Variants in TENM2 observed in about 807,000 individuals in gnomAD.
TENM2 encodes the protein teneurin-2.
A neutral mutation model predicts 245.2 loss-of-function variants in TENM2; 52 were observed. The observed-to-expected ratio is 0.21, with a 90% CI of 0.17 to 0.27. The LOEUF (loss-of-function observed/expected upper bound fraction) is 0.27, where lower values mean the gene tolerates loss of function less well. TENM2 is among the 10% of genes least tolerant of loss of function. TENM2 has a pLI of 1.00. For synonymous variants in TENM2, 1,363 were observed against 1,438.9 expected (o/e 0.95, Z 1.19); for missense variants, 3,046 against 3,666.8 (o/e 0.83, Z 4.37).
At chr5:167,074,168 A>G in the TENM2 span, among the ~76,000 whole-genome samples, 2 of 152,198 alleles carry the variant, frequency 1.3e-5, no homozygotes, top group Admixed American at 1.3e-4. Context: ...GCTACAGCAT[A>G]TTTTTAGTAA....
chr5:168,224,862 C>G (rs1764013481), intron 23 of TENM2, among the ~76,000 whole-genome samples: 1 of 152,198 alleles, frequency 6.6e-6, no homozygotes, highest in South Asian at 2.1e-4. Flanking sequence ...AACGAGCCTG[C>G]TTTCCTTTCC....
At chr5:168,051,685 A>G (rs1288542476) in intron 6 of TENM2, among the ~76,000 whole-genome samples, 1 of 152,190 alleles carries the variant, frequency 6.6e-6, no homozygotes, top group Non-Finnish European at 1.5e-5. Flanking sequence ...TCTGGTGGAT[A>G]CAAACACCAG....
intron 1 of TENM2, among the ~76,000 whole-genome samples, chr5:167,360,524 T>C (rs1214449557): frequency 6.6e-6 from 1 of 152,176 alleles, no homozygotes; most frequent in East Asian, 1.9e-4. Flanking sequence ...GTAGGCTGTC[T>C]TTCTGCTCAT....
chr5:167,962,574 A>T (rs562836457), intron 4 of TENM2, among the ~76,000 whole-genome samples: 1 of 152,328 alleles, frequency 6.6e-6, no homozygotes, highest in African/African-American at 2.4e-5. Flanking sequence ...ATAAAGACAT[A>T]CCCGAGACCC....
intron 4 of TENM2, among the ~76,000 whole-genome samples, chr5:167,990,342 T>C (rs184790051): frequency 1.3e-3 from 193 of 152,350 alleles, no homozygotes; most frequent in African/African-American, 4.4e-3. Flanking sequence ...GAAGAATTAA[T>C]AATAAAAGCT....
intron 2 of TENM2, among the ~76,000 whole-genome samples, chr5:167,376,614 TA>T (rs2127316827): frequency 6.6e-6 from 1 of 152,308 alleles, no homozygotes; most frequent in African/African-American, 2.4e-5. Flanking sequence ...AATTTATGTT[TA>T]ATTTTGAAAT....
chr5:167,599,323 T>C (rs1019069095), intron 2 of TENM2, among the ~76,000 whole-genome samples: 6 of 152,098 alleles, frequency 3.9e-5, no homozygotes, highest in Non-Finnish European at 8.8e-5. Flanking sequence ...AAATGCAGAT[T>C]CCCAATTTGC....
intron 4 of TENM2, among the ~76,000 whole-genome samples, chr5:167,956,857 T>C (rs1186772229): frequency 6.6e-6 from 1 of 152,230 alleles, no homozygotes; most frequent in Non-Finnish European, 1.5e-5. Flanking sequence ...TTTGATGTGC[T>C]GCTGGCTTCA....
the TENM2 span, among the ~76,000 whole-genome samples, chr5:167,020,144 C>G: frequency 3.3e-5 from 5 of 152,096 alleles, no homozygotes; most frequent in African/African-American, 4.8e-5. Flanking sequence ...AATACATTTT[C>G]CACTGCAAAA....
chr5:167,605,671 C>G (rs1776984952), intron 2 of TENM2, among the ~76,000 whole-genome samples: 1 of 152,152 alleles, frequency 6.6e-6, no homozygotes, highest in South Asian at 2.1e-4. Context: ...AATGGGAACT[C>G]AATTTTGAAC....
At chr5:168,166,292 A>G (rs1424294150) in intron 13 of TENM2, among the ~76,000 whole-genome samples, 1 of 152,214 alleles carries the variant, frequency 6.6e-6, no homozygotes, top group Admixed American at 6.5e-5. Context: ...TAATAGAGCT[A>G]TCTACCAAAG....
At chr5:167,375,043 C>T (rs1041162031) in intron 1 of TENM2, among the ~76,000 whole-genome samples, 155 bp from the exon 4 acceptor site, 1 of 152,152 alleles carries the variant, frequency 6.6e-6, no homozygotes, top group Non-Finnish European at 1.5e-5. Context: ...TCCCACTGTC[C>T]TGAATACTCT....
chr5:167,395,757 GA>G (rs911874476), intron 2 of TENM2, among the ~76,000 whole-genome samples: 1 of 151,930 alleles, frequency 6.6e-6, no homozygotes, highest in African/African-American at 2.4e-5. Context: ...TAAAGTTGAT[GA>G]GAAAAAAAAT....
intron 2 of TENM2, among the ~76,000 whole-genome samples, chr5:167,455,457 T>TTTG (rs1765860817): frequency 6.6e-6 from 1 of 151,232 alleles, no homozygotes; most frequent in Admixed American, 6.6e-5. Flanking sequence ...TATGTGTAGT[T>TTTG]TTTTTTTTTT....
At chr5:168,261,895 A>C (rs1169268748) in intron 28 of TENM2, among the ~76,000 whole-genome samples, 154 bp from the exon 31 acceptor site, 1 of 152,222 alleles carries the variant, frequency 6.6e-6, no homozygotes, top group Non-Finnish European at 1.5e-5. Context: ...CCAGCCAACC[A>C]TAGTTCCAAA....
chr5:167,166,351 T>C, the TENM2 span, among the ~76,000 whole-genome samples: 1 of 152,292 alleles, frequency 6.6e-6, no homozygotes, highest in East Asian at 1.9e-4. Context: ...GTTTCCCTGG[T>C]CACTAATATA....
intron 5 of TENM2, among the ~76,000 whole-genome samples, chr5:167,998,209 T>C (rs903586847): frequency 1.3e-5 from 2 of 152,206 alleles, no homozygotes; most frequent in African/African-American, 4.8e-5. Flanking sequence ...GTCCTCAATC[T>C]TTGATTATCC....
In TENM2 at chr5:167,641,298, A is replaced by G. The variant is rs10045502; in HGVS notation, c.503-234688A>G. ...GCAGAAGGCTCGCAGAACCAAATAA[A>G]CCACGGGGAGTAGTTATCTATAATG... On this transcript the variant is annotated intron_variant, in intron 2 of 28. Coordinates refer to ENST00000518659, the Ensembl canonical transcript of TENM2. Among the ~76,000 whole-genome samples, 1,192 of 152,194 alleles carry G rather than the reference A, an allele frequency of 7.8e-3. 21 individuals are homozygous for G. Among genetic ancestry groups the G allele is most frequent in the African/African-American group, 0.028 (1,142 of 41,508 alleles).
intron 7 of TENM2, among the ~76,000 whole-genome samples, chr5:168,072,149 A>G (rs999736148): frequency 1.3e-5 from 2 of 152,196 alleles, no homozygotes; most frequent in African/African-American, 4.8e-5. Flanking sequence ...CAAATGTGAC[A>G]TTTGATAAAC....
Sources: gnomAD v4.1 joint callset for allele counts (sites outside exome capture counted in the v4.1 genomes callset) on GRCh38, gnomAD v4.1.1 for gene constraint, MANE v1.5 for transcripts, NCBI Gene and HGNC (gene_info 2026-07-23, HGNC 2026-07-21) for gene names.